The following AHRR variants were observed in gnomAD, a reference collection of about 807,000 sequenced individuals.
AHRR encodes the protein aryl hydrocarbon receptor repressor.
In AHRR, 28 loss-of-function variants were observed where a neutral mutation model predicts 44.0. That is an observed-to-expected ratio of 0.64 (90% CI 0.47 to 0.87). The LOEUF (loss-of-function observed/expected upper bound fraction) is 0.87, where lower values mean the gene tolerates loss of function less well. Ranked by LOEUF, AHRR falls within the 40% of genes least tolerant of loss-of-function variation. AHRR has a pLI of 0.00. For synonymous variants in AHRR, 434 were observed against 407.0 expected (o/e 1.07, Z -0.80); for missense variants, 990 against 953.9 (o/e 1.04, Z -0.50).
At position 406,310 on chromosome 5, in the gene AHRR, G is replaced by A. The variant is rs544044600; in HGVS notation, c.352-7034G>A. On this transcript the variant is annotated intron_variant, in intron 4 of 10. Transcript: ENST00000684583. This position sits in a 1 kb window ranked among gnomAD's most constrained non-coding sequence, Gnocchi z 4.7. Reference sequence around the variant, plus strand: ...AACATGGAGGGACCGGAACATGGAGGGACCAGTCCAGAATGGCCCCACGTC... The same window carrying A: ...AACATGGAGGGACCGGAACATGGAGAGACCAGTCCAGAATGGCCCCACGTC... Among the ~76,000 whole-genome samples the A allele has an allele frequency of 3.9e-5, 6 of 152,272 alleles. No individual in the cohort carries two copies. In the East Asian group the frequency reaches 1.2e-3, roughly 29 times the overall value.
rs2126430805 is a variant in AHRR, at chr5:371,821, C to T, written c.245-4789C>T. Among the ~76,000 whole-genome samples the T allele has an allele frequency of 1.3e-5, 2 of 152,294 alleles. 1 individual carries two copies. The highest frequency in any genetic ancestry group is 4.1e-4 in the South Asian group (2 of 4,828). ...GTCCTAAACCGAGTCAGCTTGGGGGCCGCCTGCTCCTCTCTCCCTTACGCC... is the reference window on the plus strand; with the variant it reads ...GTCCTAAACCGAGTCAGCTTGGGGGTCGCCTGCTCCTCTCTCCCTTACGCC... On this transcript the variant is annotated intron_variant, in intron 3 of 10. Coordinates refer to ENST00000684583, the MANE Select transcript of AHRR (RefSeq NM_001377236.1).
intron 4 of AHRR, among the ~76,000 whole-genome samples, chr5:381,411 T>A (rs541881493): frequency 6.6e-6 from 1 of 151,910 alleles, no homozygotes; most frequent in East Asian, 1.9e-4. Context: ...CAGTACAGTA[T>A]AGATTAGGAG....
intron 1 of AHRR, among the ~76,000 whole-genome samples, chr5:336,776 A>T (rs1222094733): frequency 5.9e-5 from 9 of 152,080 alleles, no homozygotes; most frequent in Non-Finnish European, 1.5e-5. Context: ...TATTCTTCGG[A>T]GTGTTATATT....
Position 428,081 on chromosome 5 carries a change from T to C in AHRR, c.908+75T>C, listed in dbSNP as rs112763035. On this transcript the variant is annotated intron_variant, in intron 8 of 10. Transcript: ENST00000684583. Reference sequence around the variant, plus strand: ...CACAAAACACCTCCACACTCAGTGTTTTCTGTGTCTTCTTTCTTCATTTCC... The same window carrying C: ...CACAAAACACCTCCACACTCAGTGTCTTCTGTGTCTTCTTTCTTCATTTCC... 5 of 1,453,790 alleles carry C rather than the reference T, an allele frequency of 3.4e-6. No individual in the cohort carries two copies. The African/African-American group carries it at 7.0e-5, about 20-fold the overall frequency. The allele number at this position is 1,453,790 out of a possible 1,614,324, so 90.1% of individuals were successfully genotyped here. A position where few individuals can be genotyped will look rare whatever the true frequency, so the allele number is the denominator to read the frequency against.
In AHRR at chr5:388,269, C is replaced by G. The variant is rs537546258; in HGVS notation, c.351+11553C>G. Among the ~76,000 whole-genome samples the G allele has an allele frequency of 1.3e-5, 2 of 152,212 alleles. No homozygotes were observed. Among genetic ancestry groups the G allele is most frequent in the Non-Finnish European group, 2.9e-5 (2 of 68,040 alleles). ...TTGGGGCAGAAACTCAGGCCTCCCC[C>G]CGTCCCGAACCCAAGCCCTGAACTG... On this transcript the variant is annotated intron_variant, in intron 4 of 10. Coordinates refer to ENST00000684583, the MANE Select transcript of AHRR (RefSeq NM_001377236.1). The surrounding 1 kb of genome is among the most constrained non-coding windows in gnomAD (Gnocchi z 5.2).
intron 4 of AHRR, 27 bp from the exon 5 acceptor site, chr5:413,317 T>G: frequency 6.5e-7 from 1 of 1,539,744 alleles, no homozygotes; most frequent in Non-Finnish European, 8.8e-7. Flanking sequence ...AATTCGATTT[T>G]TTTTTTTGTT....
At chr5:344,369 G>A (rs1346524932) in intron 2 of AHRR, among the ~76,000 whole-genome samples, 1 of 147,946 alleles carries the variant, frequency 6.8e-6, no homozygotes, top group East Asian at 2.1e-4. Flanking sequence ...GTGTGGCGAG[G>A]CTATGCGAGG....
intron 1 of AHRR, among the ~76,000 whole-genome samples, chr5:333,443 A>G (rs1742006379): frequency 6.6e-6 from 1 of 152,138 alleles, no homozygotes; most frequent in Admixed American, 6.5e-5. Flanking sequence ...TAAAAATACA[A>G]AAATTAGCCA....
In AHRR at chr5:432,378, T is replaced by C; in HGVS notation, c.909-85T>C. 3.0e-6 allele frequency: 4 copies of C among 1,353,088 alleles called. No homozygotes were observed. In the South Asian group the frequency reaches 4.7e-5, roughly 16 times the overall value. The allele number at this position is 1,353,088 out of a possible 1,614,324, so 83.8% of individuals were successfully genotyped here. A position where few individuals can be genotyped will look rare whatever the true frequency, so the allele number is the denominator to read the frequency against. On this transcript the variant is annotated intron_variant, in intron 8 of 10. Coordinates refer to ENST00000684583, the MANE Select transcript of AHRR (RefSeq NM_001377236.1). ...GTGTGACAGCAATACCTGTCATTAT[T>C]AATTTCTACCATCAAAACATGTTTC...
At chr5:340,688 A>ATATATATATTT (rs1269938749) in intron 1 of AHRR, among the ~76,000 whole-genome samples, 1 of 12,928 alleles carries the variant, frequency 7.7e-5, no homozygotes. Flanking sequence ...ATATATATAT[A>ATATATATATTT]TTTTTTTTTT....
rs1736518337 is a variant in AHRR, at chr5:427,789, C to T, written c.709-18C>T. ...CCACTTGGTGAACACGCCTTCCTCT[C>T]TGTCTTTAAAACACCAGACGATGCA... On this transcript the variant is annotated intron_variant, in intron 7 of 10. Coordinates refer to ENST00000684583, the MANE Select transcript of AHRR (RefSeq NM_001377236.1). The T allele has an allele frequency of 1.2e-6, 2 of 1,613,306 alleles. No individual in the cohort carries two copies. The highest frequency in any genetic ancestry group is 1.7e-6 in the Non-Finnish European group (2 of 1,179,218).
chr5:359,473 C>T (rs188360448), intron 3 of AHRR, among the ~76,000 whole-genome samples: 5 of 152,276 alleles, frequency 3.3e-5, no homozygotes, highest in South Asian at 2.1e-4. Context: ...GGAGTGCTGA[C>T]GGGGCACAGA....
At chr5:403,505 GCA>G (rs1735112696) in intron 4 of AHRR, among the ~76,000 whole-genome samples, 2 of 151,848 alleles carry the variant, frequency 1.3e-5, no homozygotes, top group African/African-American at 4.8e-5. Context: ...GTGTGGTGGC[GCA>G]TGCCTGTAAT....
rs1204455533 is a variant in AHRR, at chr5:387,322, G to A, written c.351+10606G>A. Among the ~76,000 whole-genome samples the A allele has an allele frequency of 2.6e-5, 4 of 152,202 alleles. No homozygotes were observed. The highest frequency in any genetic ancestry group is 9.7e-5 in the African/African-American group (4 of 41,434). ...ATGAGAAAGACGATGTTTCTCTTGG[G>A]GTCATAGCTGCCATTCCTGCTGCAT... is the stretch of plus-strand genomic sequence containing the variant. On this transcript the variant is annotated intron_variant, in intron 4 of 10. Transcript: ENST00000684583. The surrounding 1 kb of genome is among the most constrained non-coding windows in gnomAD (Gnocchi z 5.1).
At chr5:413,232 A>G (rs1223318223) in intron 4 of AHRR, 112 bp from the exon 5 acceptor site, 1 of 706,316 alleles carries the variant, frequency 1.4e-6, no homozygotes, top group South Asian at 1.9e-5. Context: ...GGTTATGAAT[A>G]TGGACTACAA....
rs1362972319 is a variant in AHRR, at chr5:436,993, ACTTC to A, written c.*2166_*2169del. On this transcript the variant is annotated 3_prime_UTR_variant, in exon 11 of 11. Transcript: ENST00000684583. ...CAGGATGGTATTTCAGAAGCTTCCC[ACTTC>A]CTTCCTATTCTAACCGAGTGCCCAG... 1 of 152,356 alleles carries A rather than the reference ACTTC, an allele frequency of 6.6e-6. No homozygotes were observed. Among genetic ancestry groups the A allele is most frequent in the Non-Finnish European group, 1.5e-5 (1 of 68,070 alleles). 9.4% of individuals were successfully genotyped at this position (152,356 alleles called of 1,614,324 possible).
At chr5:360,867 A>C (rs1579622007) in intron 3 of AHRR, among the ~76,000 whole-genome samples, 1 of 152,316 alleles carries the variant, frequency 6.6e-6, no homozygotes. Flanking sequence ...GTGAAACGTC[A>C]GAGGAGAGAG....
chr5:330,649 T>C (rs13187659), intron 1 of AHRR, among the ~76,000 whole-genome samples: 54,543 of 151,892 alleles, frequency 0.36, 12,200 homozygotes, highest in South Asian at 0.51. Flanking sequence ...GGGATTACAG[T>C]GTGAGCCACT....
intron 3 of AHRR, 58 bp from the exon 4 acceptor site, chr5:376,552 A>ATGAGAACCGTGGGGG: frequency 5.0e-6 from 7 of 1,411,502 alleles, no homozygotes; most frequent in South Asian, 1.4e-5. Flanking sequence ...ATGTGAATGA[A>ATGAGAACCGTGGGGG]GAAGAGTGGC....
Sources: gnomAD v4.1 joint callset for allele counts (sites outside exome capture counted in the v4.1 genomes callset) on GRCh38, gnomAD v4.1.1 for gene constraint, Gnocchi (gnomAD v3.1) non-coding constraint, MANE v1.5 for transcripts, NCBI Gene and HGNC (gene_info 2026-07-23, HGNC 2026-07-21) for gene names.